FHIT: variants seen among roughly 807,000 people sequenced by gnomAD.
The protein encoded by FHIT is bis(5'-adenosyl)-triphosphatase.
In FHIT, 19 loss-of-function variants were observed where a neutral mutation model predicts 17.9. The ratio of observed to expected loss-of-function variants is 1.06; its 90% confidence interval spans 0.74 to 1.56. The LOEUF is 1.56. FHIT is among the 40% of genes most tolerant of loss of function. The pLI is 0.00. For missense variants in FHIT, 248 were observed against 189.2 expected, an observed-to-expected ratio of 1.31 and a Z score of -1.82; for synonymous variants, 81 against 69.7, an observed-to-expected ratio of 1.16 and a Z score of -0.81.
At chr3:60,297,423 T>A (rs1708261379) in intron 5 of FHIT, among the ~76,000 whole-genome samples, 1 of 152,120 alleles carries the variant, frequency 6.6e-6, no homozygotes, top group Non-Finnish European at 1.5e-5. Context: ...TTATTTGGTA[T>A]CTATCTGTTG....
rs568471351 is a variant in FHIT at position 61,058,152 on chromosome 3, A to G, written c.-163-16053T>C. 4.6e-5 allele frequency among the ~76,000 whole-genome samples: 7 copies of G among 152,314 alleles called. No individual in the cohort carries two copies. The East Asian group carries it at 7.7e-4, about 17-fold the overall frequency. On this transcript the variant is annotated intron_variant, in intron 2 of 9. Transcript: ENST00000492590. ...CACTTAGAACACTGCCTGGCACGTA[A>G]TAAGTTCTCCATAAACGTGAGCCAT...
At chr3:60,296,439 C>CT (rs991838271) in intron 5 of FHIT, among the ~76,000 whole-genome samples, 160 of 152,218 alleles carry the variant, frequency 1.1e-3, no homozygotes, top group African/African-American at 3.7e-3. Flanking sequence ...TGTAGAACAT[C>CT]TTTTTGTGTG....
chr3:59,816,315 A>T (rs1003378852), intron 8 of FHIT, among the ~76,000 whole-genome samples: 6 of 152,232 alleles, frequency 3.9e-5, no homozygotes, highest in African/African-American at 9.6e-5. Context: ...TGTCATCTTC[A>T]ATATGATTTT....
At chr3:60,037,807 G>A (rs189808825) in intron 5 of FHIT, among the ~76,000 whole-genome samples, 16 of 151,148 alleles carry the variant, frequency 1.1e-4, no homozygotes, top group South Asian at 4.2e-4. Context: ...TCTGCCTCCC[G>A]GGTTCAAGCA....
chr3:60,391,033 TA>T (rs1447701669), intron 5 of FHIT, among the ~76,000 whole-genome samples: 2 of 151,786 alleles, frequency 1.3e-5, no homozygotes, highest in African/African-American at 4.8e-5. Flanking sequence ...ACTACAAATA[TA>T]AAAATTAGCC....
intron 2 of FHIT, among the ~76,000 whole-genome samples, chr3:61,126,779 C>G (rs2036619374): frequency 6.6e-6 from 1 of 151,882 alleles, no homozygotes; most frequent in South Asian, 2.1e-4. Context: ...GGGGAGAGTA[C>G]CAGGGTGGGT....
At chr3:59,994,558 A>C (rs904931884) in intron 7 of FHIT, among the ~76,000 whole-genome samples, 2 of 152,082 alleles carry the variant, frequency 1.3e-5, no homozygotes, top group African/African-American at 4.8e-5. Flanking sequence ...CAAGTTAAGG[A>C]ACGTACTTCC....
At chr3:60,977,252 G>C (rs989629391) in intron 3 of FHIT, among the ~76,000 whole-genome samples, 1 of 152,326 alleles carries the variant, frequency 6.6e-6, no homozygotes, top group Non-Finnish European at 1.5e-5. Flanking sequence ...TCAGAGCTGA[G>C]AGTGAACCTG....
chr3:61,082,297 T>C (rs961381872), intron 2 of FHIT, among the ~76,000 whole-genome samples: 3 of 152,174 alleles, frequency 2.0e-5, no homozygotes, highest in African/African-American at 7.2e-5. Flanking sequence ...TCTAACAACA[T>C]TGATTAGTTT....
At chr3:61,010,048 T>C (rs181571854) in intron 3 of FHIT, among the ~76,000 whole-genome samples, 1 of 152,254 alleles carries the variant, frequency 6.6e-6, no homozygotes, top group Non-Finnish European at 1.5e-5. Context: ...ACCTTGAAAC[T>C]AGAAAGAGAT....
At chr3:61,200,381 G>C (rs926466531) in intron 2 of FHIT, among the ~76,000 whole-genome samples, 4 of 152,204 alleles carry the variant, frequency 2.6e-5, no homozygotes, top group Non-Finnish European at 5.9e-5. Context: ...TGAGAAGAAA[G>C]CAAAAGTCAG....
chr3:60,410,381 T>C (rs538763677), intron 5 of FHIT, among the ~76,000 whole-genome samples: 5 of 152,300 alleles, frequency 3.3e-5, no homozygotes, highest in South Asian at 4.1e-4. Flanking sequence ...GCTGGTTACA[T>C]TGGAGATTTT....
intron 5 of FHIT, among the ~76,000 whole-genome samples, chr3:60,226,365 G>A (rs143609471): frequency 0.03 from 4,557 of 151,562 alleles, 104 homozygotes; most frequent in Non-Finnish European, 0.048. Context: ...CCAGCTATTC[G>A]GGAGGCTGAG....
intron 2 of FHIT, among the ~76,000 whole-genome samples, chr3:61,121,927 A>G (rs930858858): frequency 6.6e-6 from 1 of 152,224 alleles, no homozygotes; most frequent in Non-Finnish European, 1.5e-5. Context: ...CAGGGGTTGC[A>G]ATCCTAGTCT....
chr3:60,245,260 A>C (rs543091828), intron 5 of FHIT, among the ~76,000 whole-genome samples: 1 of 152,204 alleles, frequency 6.6e-6, no homozygotes, highest in African/African-American at 2.4e-5. Flanking sequence ...GTAGCTAATA[A>C]TTTTGCATTT....
At chr3:60,604,096 G>A (rs1553669982) in intron 4 of FHIT, among the ~76,000 whole-genome samples, 2 of 152,164 alleles carry the variant, frequency 1.3e-5, no homozygotes, top group Admixed American at 1.3e-4. Flanking sequence ...AGCAATGGGA[G>A]TACATTGTGC....
At chr3:59,967,272 C>G (rs910907397) in intron 7 of FHIT, among the ~76,000 whole-genome samples, 2 of 152,102 alleles carry the variant, frequency 1.3e-5, no homozygotes, top group African/African-American at 4.8e-5. Flanking sequence ...AATAAATACA[C>G]TCTAAAATAA....
At chr3:60,847,282 T>C (rs1702960519) in intron 3 of FHIT, among the ~76,000 whole-genome samples, 1 of 152,176 alleles carries the variant, frequency 6.6e-6, no homozygotes, top group Admixed American at 6.5e-5. Flanking sequence ...ACCTGCACCT[T>C]TTCTTTCCAA....
In FHIT at chr3:59,890,229, A is replaced by G. The variant is rs1157952079; in HGVS notation, c.348+32117T>C. 2.0e-5 allele frequency among the ~76,000 whole-genome samples: 3 copies of G among 151,894 alleles called. No homozygotes were observed. In the East Asian group the frequency reaches 5.8e-4, roughly 29 times the overall value. On this transcript the variant is annotated intron_variant, in intron 8 of 9. Transcript: ENST00000492590. ...TGGAGGCCTCTTTTGATCTAAGCAGATTATTGCCCTGTGGGGACTCCATGG... is the reference window on the plus strand; with the variant it reads ...TGGAGGCCTCTTTTGATCTAAGCAGGTTATTGCCCTGTGGGGACTCCATGG...
Sources: allele counts gnomAD v4.1 joint callset (sites outside exome capture counted in the v4.1 genomes callset), GRCh38; gene constraint gnomAD v4.1.1; transcripts MANE v1.5; gene names NCBI Gene and HGNC (gene_info 2026-07-23, HGNC 2026-07-21).